Variants in GABRA4 observed in about 807,000 individuals in gnomAD.
GABRA4 encodes the protein gamma-aminobutyric acid type A receptor subunit alpha4, also known as gamma-aminobutyric acid receptor subunit alpha-4.
In GABRA4, 12 loss-of-function variants were observed where a neutral mutation model predicts 49.7. That is an observed-to-expected ratio of 0.24 (90% confidence interval 0.15 to 0.39). The LOEUF (loss-of-function observed/expected upper bound fraction) is 0.39, where lower values mean the gene tolerates loss of function less well. GABRA4 is among the 10% of genes least tolerant of loss of function. The probability of loss-of-function intolerance (pLI) is 1.00; values close to 1 mark genes in which losing one functional copy is unlikely to be tolerated. For synonymous variants in GABRA4, 288 were observed against 240.2 expected, an observed-to-expected ratio of 1.20 and a Z score of -1.84; for missense variants, 506 against 686.0, an observed-to-expected ratio of 0.74 and a Z score of 2.93.
chr4:46,937,275 C>A (rs563273932), intron 8 of GABRA4, among the ~76,000 whole-genome samples: 8 of 152,198 alleles, frequency 5.3e-5, no homozygotes, highest in South Asian at 2.1e-4. Flanking sequence ...GAACCTTTAT[C>A]TTAGACTTTC....
chr4:46,976,490 G>T (rs1723145190), intron 5 of GABRA4, among the ~76,000 whole-genome samples: 2 of 151,030 alleles, frequency 1.3e-5, no homozygotes, highest in African/African-American at 4.9e-5. Flanking sequence ...GCTGTATAAG[G>T]CATTATATTA....
chr4:46,991,620 A>G (rs1723746271), intron 2 of GABRA4, among the ~76,000 whole-genome samples: 1 of 152,170 alleles, frequency 6.6e-6, no homozygotes, highest in African/African-American at 2.4e-5. Flanking sequence ...CTCATCACAC[A>G]GCATCTGATA....
At chr4:46,978,326 T>C (rs1332649389) in intron 3 of GABRA4, among the ~76,000 whole-genome samples, 1 of 151,882 alleles carries the variant, frequency 6.6e-6, no homozygotes, top group Non-Finnish European at 1.5e-5. Context: ...AACTATAAAA[T>C]AGTGTACACG....
At position 46,928,385 on chromosome 4, in the gene GABRA4, G is replaced by A; in HGVS notation, c.1505C>T (p.Thr502Ile). 1.2e-6 allele frequency: 2 copies of A among 1,613,662 alleles called. No homozygotes were observed. Among genetic ancestry groups the A allele is most frequent in the South Asian group, 2.2e-5 (2 of 91,076 alleles). Residue 502 changes from threonine (T) to isoleucine (I), a missense_variant, in exon 9 of 9, where the codon ACT becomes ATT. Thr to Ile is a moderately conservative substitution (Grantham distance 89). This residue lies in a region of GABRA4 where 243 missense variants were observed against 210.8 expected (regional missense o/e 1.15). Transcript: ENST00000264318. ...AGGTGGTGGAGCCGATGGAGGAGGAGTAGCTGACAACTTCCCAGTAGCCCC... is the reference window on the plus strand; with the variant it reads ...AGGTGGTGGAGCCGATGGAGGAGGAATAGCTGACAACTTCCCAGTAGCCCC... ...TIGATGKLSATPPPSAPPPSG... is the reference protein window; with the variant it reads ...TIGATGKLSAIPPPSAPPPSG...
At chr4:46,977,207 C>T in intron 4 of GABRA4, 64 bp from the exon 5 acceptor site, 4 of 1,016,670 alleles carry the variant, frequency 3.9e-6, no homozygotes, top group East Asian at 2.8e-5. Flanking sequence ...ACTTTAGATT[C>T]TAAAATAGGA....
chr4:46,980,196 C>G (rs541531436), intron 2 of GABRA4, among the ~76,000 whole-genome samples: 1 of 152,140 alleles, frequency 6.6e-6, no homozygotes, highest in Admixed American at 6.6e-5. Context: ...CATAATACAG[C>G]ATTCTAATAC....
chr4:46,968,878 A>G (rs890889080), intron 7 of GABRA4, among the ~76,000 whole-genome samples: 6 of 151,686 alleles, frequency 4.0e-5, no homozygotes, highest in Non-Finnish European at 8.9e-5. Context: ...AATAATAATA[A>G]TATATGGCAG....
At chr4:46,943,371 G>C (rs1298691504) in intron 8 of GABRA4, among the ~76,000 whole-genome samples, 9 of 151,876 alleles carry the variant, frequency 5.9e-5, no homozygotes, top group Non-Finnish European at 1.3e-4. Flanking sequence ...CACAGCCCTT[G>C]CAAAGACATT....
At chr4:46,992,615 A>G in intron 2 of GABRA4, 2 of 568,414 alleles carry the variant, frequency 3.5e-6, no homozygotes, top group South Asian at 2.3e-5. Flanking sequence ...AGTGTGGGGG[A>G]GAGGCAAAGC....
At chr4:46,963,424 C>A (rs2109373054) in intron 8 of GABRA4, among the ~76,000 whole-genome samples, 1 of 151,880 alleles carries the variant, frequency 6.6e-6, no homozygotes, top group Non-Finnish European at 1.5e-5. Context: ...CTGTGCTATT[C>A]TTGTGATAGT....
intron 8 of GABRA4, among the ~76,000 whole-genome samples, chr4:46,958,187 T>C (rs898882636): frequency 6.6e-6 from 1 of 151,968 alleles, no homozygotes; most frequent in South Asian, 2.1e-4. Context: ...CCATTTTCTG[T>C]CTGTGTTATA....
chr4:46,992,627 T>C (rs1349735751), intron 2 of GABRA4: 8 of 580,460 alleles, frequency 1.4e-5, no homozygotes, highest in Non-Finnish European at 2.5e-5. Context: ...AGGCAAAGCT[T>C]CTGAGGGGGC....
chr4:46,929,483 T>C (rs1560460791), intron 8 of GABRA4, among the ~76,000 whole-genome samples: 1 of 152,070 alleles, frequency 6.6e-6, no homozygotes, highest in African/African-American at 2.4e-5. Flanking sequence ...CATTAACCAA[T>C]AAAGAGTGAT....
chr4:46,928,103 T>C lies in GABRA4; in HGVS notation c.*122A>G. ...ACTCTCCCAATAACTGGCTTATATC[T>C]TTAAATGGAAAAATTACACAGAGTT... On this transcript the variant is annotated 3_prime_UTR_variant, in exon 9 of 9. Coordinates refer to ENST00000264318, the MANE Select transcript of GABRA4 (RefSeq NM_000809.4). 1.1e-6 allele frequency: 1 copy of C among 892,076 alleles called. No individual in the cohort carries two copies. The highest frequency in any genetic ancestry group is 1.6e-6 in the Non-Finnish European group (1 of 616,766). 55.3% of individuals were successfully genotyped at this position (892,076 alleles called of 1,614,324 possible).
intron 2 of GABRA4, among the ~76,000 whole-genome samples, chr4:46,987,019 C>G (rs1448639960): frequency 3.9e-5 from 6 of 152,144 alleles, no homozygotes; most frequent in Non-Finnish European, 1.5e-5. Flanking sequence ...GCCCTTGCCT[C>G]TGACTGCCTG....
At chr4:46,978,870 T>A (rs977551390) in intron 3 of GABRA4, among the ~76,000 whole-genome samples, 161 bp downstream of exon 3, 13 of 151,998 alleles carry the variant, frequency 8.6e-5, no homozygotes, top group African/African-American at 3.1e-4. Context: ...GCAAATTGAA[T>A]GAGATTCAAT....
chr4:46,993,522 TGCGCACACTCGC>T lies in GABRA4; in HGVS notation c.-110_-99del, dbSNP rs1723860326. ...AGAGGGCAGAGAGGCTCCCGCGGCG[TGCGCACACTCGC>T]GCTCACACTCGCCCGCGCTCAGCCA... On this transcript the variant is annotated 5_prime_UTR_variant, in exon 1 of 9. Coordinates refer to ENST00000264318, the MANE Select transcript of GABRA4 (RefSeq NM_000809.4). The T allele has an allele frequency of 7.7e-7, 1 of 1,297,702 alleles. No individual in the cohort carries two copies. The highest frequency in any genetic ancestry group is 1.1e-6 in the Non-Finnish European group (1 of 910,410). The allele number at this position is 1,297,702 out of a possible 1,614,324, so 80.4% of individuals were successfully genotyped here.
intron 5 of GABRA4, 43 bp downstream of exon 5, chr4:46,977,018 T>C: frequency 9.4e-7 from 1 of 1,065,400 alleles, no homozygotes; most frequent in Non-Finnish European, 1.5e-6. Flanking sequence ...TTAGCTTGCA[T>C]GAGGTAATCA....
At chr4:46,987,081 A>G (rs1723569795) in intron 2 of GABRA4, among the ~76,000 whole-genome samples, 1 of 152,120 alleles carries the variant, frequency 6.6e-6, no homozygotes, top group Non-Finnish European at 1.5e-5. Context: ...TGTCCCTGCT[A>G]AAATCTTTCC....
Sources: allele counts gnomAD v4.1 joint callset (sites outside exome capture counted in the v4.1 genomes callset), GRCh38; gene constraint gnomAD v4.1.1; regional missense constraint gnomAD v4.1.1; transcripts MANE v1.5; gene names NCBI Gene and HGNC (gene_info 2026-07-23, HGNC 2026-07-21).